The following ACSL6 variants were observed in gnomAD, a reference collection of about 807,000 sequenced individuals.
ACSL6 encodes acyl-CoA synthetase long chain family member 6.
ACSL6 carries 47 observed loss-of-function variants against 98.2 expected under a neutral mutation model. That is an observed-to-expected ratio of 0.48 (90% CI 0.38 to 0.61). The LOEUF is 0.61. ACSL6 is among the 20% of genes least tolerant of loss of function. ACSL6 has a pLI of 0.00. For missense variants in ACSL6, 761 were observed against 913.4 expected (o/e 0.83, Z 2.15); for synonymous variants, 362 against 336.9 (o/e 1.07, Z -0.82).
intron 6 of ACSL6, chr5:131,988,451 G>A (rs1466009727): frequency 2.0e-6 from 3 of 1,466,860 alleles, no homozygotes; most frequent in Non-Finnish European, 2.8e-6. Context: ...CAGAGTCCAA[G>A]CTCCCCTTTG....
chr5:131,982,226 C>A (rs1753941773), intron 9 of ACSL6: 1 of 143,786 alleles, frequency 7.0e-6, no homozygotes, highest in Non-Finnish European at 1.5e-5. Flanking sequence ...TCACTGCAAG[C>A]TCTGCCTCCC....
intron 20 of ACSL6, among the ~76,000 whole-genome samples, chr5:131,956,235 T>C (rs957708836): frequency 6.6e-6 from 1 of 152,208 alleles, no homozygotes; most frequent in Admixed American, 6.5e-5. Context: ...GTATATAATG[T>C]CATTTATATG....
chr5:132,000,711 C>T, intron 1 of ACSL6, among the ~76,000 whole-genome samples: 1 of 152,180 alleles, frequency 6.6e-6, no homozygotes, highest in African/African-American at 2.4e-5. Flanking sequence ...ACTACCACCC[C>T]CAGGCCCTAC....
intron 9 of ACSL6, among the ~76,000 whole-genome samples, chr5:131,979,593 T>C (rs1374314844): frequency 2.0e-5 from 3 of 152,270 alleles, no homozygotes; most frequent in Non-Finnish European, 4.4e-5. Flanking sequence ...ATTTTATACA[T>C]GTCTAATGGC....
intron 16 of ACSL6, 143 bp downstream of exon 16, chr5:131,967,797 T>C: frequency 1.6e-6 from 1 of 621,970 alleles, no homozygotes; most frequent in Non-Finnish European, 2.7e-6. Context: ...GAGGAGATGC[T>C]GAGTTGAGCT....
chr5:131,986,939 A>C (rs1015835062), intron 7 of ACSL6, 85 bp from the exon 8 acceptor site: 5 of 1,393,342 alleles, frequency 3.6e-6, no homozygotes, highest in Non-Finnish European at 5.0e-6. Context: ...TCTTTCTCTC[A>C]CACACGCACA....
chr5:131,979,917 C>G (rs578030122), intron 9 of ACSL6, among the ~76,000 whole-genome samples: 1 of 152,336 alleles, frequency 6.6e-6, no homozygotes, highest in African/African-American at 2.4e-5. Flanking sequence ...AAAAACTCTC[C>G]AAGTGTTAGA....
chr5:132,009,566 A>G (rs953526942), intron 1 of ACSL6, among the ~76,000 whole-genome samples: 1 of 152,162 alleles, frequency 6.6e-6, no homozygotes, highest in African/African-American at 2.4e-5. Context: ...AGCACCATAG[A>G]CCAGCCTCAG....
At chr5:131,975,437 G>A (rs1410602411) in intron 10 of ACSL6, 26 of 985,284 alleles carry the variant, frequency 2.6e-5, no homozygotes, top group East Asian at 1.1e-4. Context: ...TGGGCTACCC[G>A]GGCAGGGATT....
intron 9 of ACSL6, 49 bp downstream of exon 9, chr5:131,985,357 AG>A: frequency 6.2e-7 from 1 of 1,609,352 alleles, no homozygotes; most frequent in Non-Finnish European, 8.5e-7. Context: ...CTAGGCCACC[AG>A]GGAAGGGTGC....
Position 131,988,894 on chromosome 5 carries a change from A to G in ACSL6, c.563T>C (p.Val188Ala), listed in dbSNP as rs2126892885. Residue 188 changes from valine to alanine, a missense_variant, in exon 6 of 21, where the codon GTG becomes GCG. Coordinates refer to ENST00000651883, the MANE Select transcript of ACSL6 (RefSeq NM_001009185.3). Reference protein sequence around the residue: ...FAQNRPEWIIVELACYTYSMV... With the variant: ...FAQNRPEWIIAELACYTYSMV... The stretch of plus-strand genomic sequence containing the variant: ...GGAATATGTGTAGCAGGCCAGCTCC[A>G]CAATGATCCACTGTGGAGACACATG... 1 of 1,613,912 alleles carries G rather than the reference A, an allele frequency of 6.2e-7. No homozygotes were observed. The highest frequency in any genetic ancestry group is 8.5e-7 in the Non-Finnish European group (1 of 1,179,922).
intron 9 of ACSL6, among the ~76,000 whole-genome samples, chr5:131,980,728 C>T (rs1303199043): frequency 1.3e-5 from 2 of 152,022 alleles, no homozygotes; most frequent in African/African-American, 4.8e-5. Context: ...GTGGCCCTTC[C>T]CCTCCTATCT....
chr5:131,967,946 C>T lies in ACSL6; in HGVS notation c.1590G>A (p.Glu530=), dbSNP rs1285331431. The T allele has an allele frequency of 6.2e-7, 1 of 1,613,936 alleles. No individual in the cohort carries two copies. The highest frequency in any genetic ancestry group is 8.5e-7 in the Non-Finnish European group (1 of 1,179,864). ...EELNYWACKG[E]GEICVRGPNV... ...TGGCTAAATCCTTGTTTACCTCTCC[C>T]TCTCCTTTGCAGGCCCAGTAGTTCA... is the stretch of plus-strand genomic sequence containing the variant. Residue 530 remains glutamate (E), a synonymous_variant, in exon 16 of 21, where the codon GAG becomes GAA. Coordinates refer to ENST00000651883, the MANE Select transcript of ACSL6 (RefSeq NM_001009185.3).
chr5:132,010,568 A>G (rs567247815), intron 1 of ACSL6, among the ~76,000 whole-genome samples: 140 of 152,322 alleles, frequency 9.2e-4, no homozygotes, highest in Non-Finnish European at 9.4e-4. Context: ...TGCTGTTTGA[A>G]TGTGAGATAA....
intron 2 of ACSL6, among the ~76,000 whole-genome samples, chr5:131,991,736 C>T (rs1754525077): frequency 6.6e-6 from 1 of 152,136 alleles, no homozygotes; most frequent in African/African-American, 2.4e-5. Flanking sequence ...TCCAGTATCA[C>T]AGCTCCACCT....
chr5:131,986,183 G>C (rs1361462295), intron 8 of ACSL6, among the ~76,000 whole-genome samples: 1 of 152,220 alleles, frequency 6.6e-6, no homozygotes, highest in Non-Finnish European at 1.5e-5. Context: ...AAACTGAGCC[G>C]TGATGTGTAG....
In ACSL6 at chr5:131,959,222, G is replaced by C. The variant is rs182173996; in HGVS notation, c.2031+314C>G. On this transcript the variant is annotated intron_variant, in intron 20 of 20. Transcript: ENST00000651883. ...TCCCCACAAAAATAAAAATAAGATA[G>C]GACTGTCGTCTTCGGTAATGCAGGA... is the stretch of plus-strand genomic sequence containing the variant. Among the ~76,000 whole-genome samples, 189 of 152,316 alleles carry C rather than the reference G, an allele frequency of 1.2e-3. 1 individual carries two copies. The highest frequency in any genetic ancestry group is 4.4e-3 in the African/African-American group (181 of 41,560).
chr5:131,976,659 T>G lies in ACSL6; in HGVS notation c.979A>C (p.Lys327Gln). The change falls in exon 10 of 21, where the codon AAA becomes CAA. Residue 327 changes from lysine (K) to glutamine (Q), a missense_variant. Transcript: ENST00000651883. ...NVVADFSGFL[K>Q]VTEKVIFPRQ... Reference sequence around the variant, plus strand: ...GCTACTTTATTCACCTCTGTCACTTTCAGAAAGCCTGAGAAATCAGCCACC... The same window carrying G: ...GCTACTTTATTCACCTCTGTCACTTGCAGAAAGCCTGAGAAATCAGCCACC... 6.2e-7 allele frequency: 1 copy of G among 1,614,146 alleles called. No homozygotes were observed. The highest frequency in any genetic ancestry group is 8.5e-7 in the Non-Finnish European group (1 of 1,179,972).
upstream of ACSL6, chr5:132,011,993 C>T (rs1755763349): frequency 1.3e-6 from 2 of 1,494,304 alleles, no homozygotes; most frequent in Admixed American, 4.2e-5. This position sits in a 1 kb window ranked among gnomAD's most constrained non-coding sequence, Gnocchi z 5.4. Context: ...CACCCCGCCG[C>T]CACCCACCCC....
Sources: allele counts gnomAD v4.1 joint callset (sites outside exome capture counted in the v4.1 genomes callset), GRCh38; gene constraint gnomAD v4.1.1; non-coding constraint Gnocchi (gnomAD v3.1); transcripts MANE v1.5; gene names NCBI Gene and HGNC (gene_info 2026-07-23, HGNC 2026-07-21).